ZNF385B: variants seen among roughly 807,000 people sequenced by gnomAD.
ZNF385B encodes the protein zinc finger protein 533.
Under a neutral mutation model 39.2 loss-of-function variants are expected in ZNF385B, and 23 were observed. The ratio of observed to expected loss-of-function variants is 0.59; its 90% CI spans 0.42 to 0.83. ZNF385B has a LOEUF of 0.83. ZNF385B is among the 40% of genes least tolerant of loss of function. The pLI is 0.00. For synonymous variants in ZNF385B, 205 were observed against 222.6 expected (o/e 0.92, Z 0.70); for missense variants, 552 against 598.9 (o/e 0.92, Z 0.82).
intron 1 of ZNF385B, chr2:179,814,342 G>T: frequency 3.5e-6 from 1 of 286,236 alleles, no homozygotes; most frequent in Non-Finnish European, 7.0e-6. Flanking sequence ...ATTCGCTTCG[G>T]CCACGGCTGG....
intron 1 of ZNF385B, among the ~76,000 whole-genome samples, chr2:179,858,702 A>G (rs1684793343): frequency 6.6e-6 from 1 of 152,144 alleles, no homozygotes; most frequent in Non-Finnish European, 1.5e-5. Flanking sequence ...AACCAGAGAC[A>G]CATAAAAAGC....
chr2:179,716,942 T>C (rs867707627), intron 3 of ZNF385B, among the ~76,000 whole-genome samples: 41 of 151,950 alleles, frequency 2.7e-4, no homozygotes, highest in African/African-American at 9.0e-4. Context: ...CCTATAACCA[T>C]ATGTCAGCCT....
At chr2:179,758,376 C>T (rs1461588680) in intron 3 of ZNF385B, among the ~76,000 whole-genome samples, 1 of 152,132 alleles carries the variant, frequency 6.6e-6, no homozygotes, top group Non-Finnish European at 1.5e-5. Flanking sequence ...GCTGCATCCT[C>T]CAGAGGAAAC....
At chr2:179,636,545 A>G (rs573745780) in intron 3 of ZNF385B, among the ~76,000 whole-genome samples, 121 of 152,324 alleles carry the variant, frequency 7.9e-4, no homozygotes, top group Non-Finnish European at 1.3e-3. Context: ...CCCTCACTTT[A>G]GCAAATATTA....
intron 3 of ZNF385B, among the ~76,000 whole-genome samples, chr2:179,590,544 T>C (rs140803864): frequency 6.6e-6 from 1 of 152,334 alleles, no homozygotes; most frequent in East Asian, 1.9e-4. Flanking sequence ...TGTTTAATGC[T>C]ACACAAATAT....
intron 6 of ZNF385B, among the ~76,000 whole-genome samples, chr2:179,473,543 C>T (rs1383676504): frequency 6.6e-6 from 1 of 152,182 alleles, no homozygotes; most frequent in Non-Finnish European, 1.5e-5. Flanking sequence ...AAAAATTATG[C>T]TTTAAGTTCT....
At chr2:179,505,226 G>T (rs2057144079) in intron 5 of ZNF385B, among the ~76,000 whole-genome samples, 1 of 151,474 alleles carries the variant, frequency 6.6e-6, no homozygotes, top group Non-Finnish European at 1.5e-5. Flanking sequence ...ACAAACTTTT[G>T]TATACTGAAA....
chr2:179,537,311 A>T (rs370317824), intron 4 of ZNF385B, among the ~76,000 whole-genome samples: 33,555 of 148,782 alleles, frequency 0.23, 4,123 homozygotes, highest in African/African-American at 0.32. Context: ...CTCAAAAAAA[A>T]AAAAATAAAT....
intron 1 of ZNF385B, among the ~76,000 whole-genome samples, chr2:179,796,574 G>T (rs1259190606): frequency 2.0e-5 from 3 of 152,168 alleles, no homozygotes; most frequent in Non-Finnish European, 4.4e-5. Flanking sequence ...CATCTTGTGG[G>T]GAAGGGAAAC....
intron 5 of ZNF385B, among the ~76,000 whole-genome samples, chr2:179,504,649 G>C (rs1273672132): frequency 6.6e-6 from 1 of 151,710 alleles, no homozygotes; most frequent in African/African-American, 2.4e-5. Context: ...ATTTTTTCAG[G>C]GCCTGTTGTG....
intron 3 of ZNF385B, among the ~76,000 whole-genome samples, chr2:179,691,908 A>G (rs1209523121): frequency 2.0e-5 from 3 of 152,206 alleles, no homozygotes; most frequent in African/African-American, 7.2e-5. Flanking sequence ...TTTATGGTAT[A>G]CATGTGATAT....
intron 6 of ZNF385B, among the ~76,000 whole-genome samples, chr2:179,473,756 T>A (rs563038021): frequency 1.3e-3 from 205 of 152,266 alleles, no homozygotes; most frequent in African/African-American, 4.8e-3. Flanking sequence ...GAACTCCCAC[T>A]TATGAGTGAG....
intron 1 of ZNF385B, among the ~76,000 whole-genome samples, chr2:179,834,155 G>A (rs972155606): frequency 6.6e-6 from 1 of 152,072 alleles, no homozygotes. Flanking sequence ...GTATGTGTGT[G>A]CACTGAATAG....
At chr2:179,694,922 T>C (rs185477908) in intron 3 of ZNF385B, among the ~76,000 whole-genome samples, 1 of 148,484 alleles carries the variant, frequency 6.7e-6, no homozygotes, top group Admixed American at 6.8e-5. Flanking sequence ...AGAGTGAGAC[T>C]CCATCTCAAA....
At chr2:179,460,274 A>G (rs2051179863) in intron 6 of ZNF385B, among the ~76,000 whole-genome samples, 1 of 152,028 alleles carries the variant, frequency 6.6e-6, no homozygotes, top group Non-Finnish European at 1.5e-5. Flanking sequence ...AACATGGCTG[A>G]CTCCATCTTG....
chr2:179,683,386 A>G (rs921735354), intron 3 of ZNF385B, among the ~76,000 whole-genome samples: 5 of 152,056 alleles, frequency 3.3e-5, no homozygotes, highest in Non-Finnish European at 5.9e-5. Context: ...TGTCTCAAAA[A>G]AGAAAAAAAG....
intron 3 of ZNF385B, among the ~76,000 whole-genome samples, chr2:179,590,638 A>C (rs1228919621): frequency 2.6e-5 from 4 of 152,098 alleles, no homozygotes; most frequent in African/African-American, 9.7e-5. Context: ...CCCAAATCTC[A>C]TCTTGAATTG....
At chr2:179,621,450 T>C (rs1312828273) in intron 3 of ZNF385B, among the ~76,000 whole-genome samples, 1 of 152,152 alleles carries the variant, frequency 6.6e-6, no homozygotes, top group Non-Finnish European at 1.5e-5. Flanking sequence ...AACAACAAAG[T>C]ATTTGGGAAG....
At position 179,649,442 on chromosome 2, in the gene ZNF385B, C is replaced by T. The variant is rs73976029; in HGVS notation, c.299-104473G>A. Among the ~76,000 whole-genome samples the T allele has an allele frequency of 4.7e-3, 708 of 152,176 alleles. 7 individuals are homozygous for T. The highest frequency in any genetic ancestry group is 0.016 in the African/African-American group (671 of 41,546). On this transcript the variant is annotated intron_variant, in intron 3 of 9. Coordinates refer to ENST00000410066, the MANE Select transcript of ZNF385B (RefSeq NM_152520.6). ...TGCTTATAAAAAATCCATACCACAG[C>T]GCTCCAGGGTGATAGGGTAACTCAC...
Sources: allele counts gnomAD v4.1 joint callset (sites outside exome capture counted in the v4.1 genomes callset), GRCh38; gene constraint gnomAD v4.1.1; transcripts MANE v1.5; gene names NCBI Gene and HGNC (gene_info 2026-07-23, HGNC 2026-07-21).